CNTN1: variants seen among roughly 807,000 people sequenced by gnomAD.
CNTN1 encodes the protein contactin 1, also known as contactin-1.
CNTN1 carries 38 observed loss-of-function variants against 126.4 expected under a neutral mutation model. The ratio of observed to expected loss-of-function variants is 0.30; its 90% CI spans 0.23 to 0.39. CNTN1 has a LOEUF of 0.39. Ranked by LOEUF, CNTN1 falls within the 10% of genes least tolerant of loss-of-function variation. CNTN1 has a pLI of 1.00. For synonymous variants in CNTN1, 413 were observed against 422.6 expected (o/e 0.98, Z 0.28); for missense variants, 1,009 against 1,248.4 (o/e 0.81, Z 2.89).
chr12:40,908,409 A>G lies in CNTN1; in HGVS notation c.-24A>G. ...AGCTAAATTCTTTTTTGGAAAATTG[A>G]ACCGAACTTCTACTGAATACAAGAT... On this transcript the variant is annotated 5_prime_UTR_variant, in exon 2 of 24. Transcript: ENST00000551295. 6.2e-7 allele frequency: 1 copy of G among 1,609,464 alleles called. No homozygotes were observed. The highest frequency in any genetic ancestry group is 8.5e-7 in the Non-Finnish European group (1 of 1,176,374).
chr12:40,911,052 G>A (rs1281642794), intron 3 of CNTN1, among the ~76,000 whole-genome samples: 2 of 152,060 alleles, frequency 1.3e-5, no homozygotes, highest in East Asian at 1.9e-4. Context: ...TCAGAATTAC[G>A]GCAGGAGGCG....
intron 1 of CNTN1, among the ~76,000 whole-genome samples, chr12:40,853,093 A>G (rs1942778047): frequency 1.3e-5 from 2 of 152,094 alleles, no homozygotes; most frequent in African/African-American, 4.8e-5. Context: ...TGGTATGAAA[A>G]ACAATATGTA....
intron 9 of CNTN1, among the ~76,000 whole-genome samples, chr12:40,936,120 T>G (rs1946072167): frequency 6.6e-6 from 1 of 152,128 alleles, no homozygotes; most frequent in Admixed American, 6.6e-5. Context: ...ATTTTTTCTT[T>G]GGAAAATTTT....
At chr12:40,834,440 T>C (rs960466525) in intron 1 of CNTN1, among the ~76,000 whole-genome samples, 44 of 152,198 alleles carry the variant, frequency 2.9e-4, no homozygotes, top group African/African-American at 1.1e-3. Flanking sequence ...GAAAAGATAC[T>C]AGTCATGATA....
At chr12:40,803,012 G>C (rs940004896) in intron 1 of CNTN1, among the ~76,000 whole-genome samples, 1 of 151,972 alleles carries the variant, frequency 6.6e-6, no homozygotes, top group Non-Finnish European at 1.5e-5. Context: ...AAATGCTTTA[G>C]AGTCTTGATC....
intron 15 of CNTN1, chr12:40,971,823 CATT>C (rs1947522193): frequency 8.8e-7 from 1 of 1,141,770 alleles, no homozygotes; most frequent in African/African-American, 1.7e-5. Context: ...GAAATTAGCT[CATT>C]ATCTGAAAAA....
chr12:40,707,251 T>C lies in CNTN1; in HGVS notation c.-77+14659T>C, dbSNP rs1157165577. 1.4e-4 allele frequency among the ~76,000 whole-genome samples: 14 copies of C among 98,164 alleles called. 1 individual carries two copies. The highest frequency in any genetic ancestry group is 5.9e-3 in the Middle Eastern group (1 of 170). The allele number at this position is 98,164 out of a possible 152,430, so 64.4% of individuals were successfully genotyped here. On this transcript the variant is annotated intron_variant, in intron 1 of 23. Coordinates refer to ENST00000551295, the MANE Select transcript of CNTN1 (RefSeq NM_001843.4). Reference sequence around the variant, plus strand: ...TCTTTTTTTTTTTTTTTTTTTTTTTTTTTTTTTTTTTTTTTGAGACGGAGT... The same window carrying C: ...TCTTTTTTTTTTTTTTTTTTTTTTTCTTTTTTTTTTTTTTTGAGACGGAGT...
At chr12:40,957,352 G>A (rs184379610) in intron 14 of CNTN1, among the ~76,000 whole-genome samples, 2 of 151,572 alleles carry the variant, frequency 1.3e-5, no homozygotes, top group East Asian at 3.9e-4. Context: ...AGAGGTGAAG[G>A]TTACTGGGAA....
At chr12:40,940,633 G>A (rs1458257932) in intron 12 of CNTN1, among the ~76,000 whole-genome samples, 3 of 152,118 alleles carry the variant, frequency 2.0e-5, no homozygotes, top group Non-Finnish European at 4.4e-5. Flanking sequence ...GAAGTTGTAA[G>A]ACATTGATAT....
chr12:40,878,426 C>A (rs952142502), intron 1 of CNTN1, among the ~76,000 whole-genome samples: 1 of 151,994 alleles, frequency 6.6e-6, no homozygotes, highest in Non-Finnish European at 1.5e-5. Flanking sequence ...ATGGTCTAGA[C>A]TTAACATATA....
intron 1 of CNTN1, among the ~76,000 whole-genome samples, chr12:40,811,480 G>A (rs567425123): frequency 6.6e-6 from 1 of 152,138 alleles, no homozygotes; most frequent in South Asian, 2.1e-4. Context: ...GAGAAAGATT[G>A]GTGTAAATTC....
intron 1 of CNTN1, among the ~76,000 whole-genome samples, chr12:40,885,977 A>T (rs577737960): frequency 6.6e-6 from 1 of 152,202 alleles, no homozygotes; most frequent in Non-Finnish European, 1.5e-5. Context: ...CTGAGGCTTC[A>T]CCTTTCTTAT....
At chr12:40,899,046 C>T (rs1944510453) in intron 1 of CNTN1, among the ~76,000 whole-genome samples, 1 of 152,194 alleles carries the variant, frequency 6.6e-6, no homozygotes, top group African/African-American at 2.4e-5. Flanking sequence ...TATTACAGCA[C>T]AGGAAGTCTT....
chr12:41,044,694 C>G (rs901695121), intron 23 of CNTN1, among the ~76,000 whole-genome samples: 3 of 151,778 alleles, frequency 2.0e-5, no homozygotes, highest in Non-Finnish European at 4.4e-5. Flanking sequence ...AGGAGGAACT[C>G]CCATATATAG....
chr12:41,052,069 T>C (rs1213786993), intron 23 of CNTN1, among the ~76,000 whole-genome samples: 5 of 152,164 alleles, frequency 3.3e-5, no homozygotes, highest in Non-Finnish European at 4.4e-5. Context: ...CTTCCTTCAG[T>C]AGAGAACTGT....
intron 1 of CNTN1, among the ~76,000 whole-genome samples, chr12:40,833,645 C>G (rs1448271487): frequency 1.3e-5 from 2 of 151,984 alleles, no homozygotes; most frequent in Non-Finnish European, 2.9e-5. Context: ...CTGAATGAAT[C>G]TCCTATAAAA....
chr12:40,819,223 G>A (rs757134717), intron 1 of CNTN1, among the ~76,000 whole-genome samples: 5 of 152,158 alleles, frequency 3.3e-5, no homozygotes, highest in Admixed American at 6.5e-5. Flanking sequence ...GAAAGGGTGT[G>A]TTTTGCTGGG....
chr12:41,013,807 A>G (rs1425495448), intron 17 of CNTN1, among the ~76,000 whole-genome samples: 5 of 152,202 alleles, frequency 3.3e-5, no homozygotes, highest in African/African-American at 1.2e-4. Flanking sequence ...TAATATTTCT[A>G]GATATTTGGG....
intron 12 of CNTN1, among the ~76,000 whole-genome samples, chr12:40,939,839 C>T (rs745989938): frequency 3.9e-5 from 6 of 152,088 alleles, no homozygotes; most frequent in Non-Finnish European, 7.4e-5. Flanking sequence ...CATCTGGCAT[C>T]TATATCCATT....
Sources: gnomAD v4.1 joint callset for allele counts (sites outside exome capture counted in the v4.1 genomes callset) on GRCh38, gnomAD v4.1.1 for gene constraint, MANE v1.5 for transcripts, NCBI Gene and HGNC (gene_info 2026-07-23, HGNC 2026-07-21) for gene names.